Variants in STAM observed in about 807,000 individuals in gnomAD.
The protein encoded by STAM is signal transducing adapter molecule 1.
In STAM, 16 loss-of-function variants were observed where a neutral mutation model predicts 63.4. The ratio of observed to expected loss-of-function variants is 0.25; its 90% CI spans 0.17 to 0.38. The LOEUF (loss-of-function observed/expected upper bound fraction) is 0.38. Among genes scored for constraint, STAM ranks in the 10% least tolerant of loss-of-function variants. STAM has a pLI of 1.00. For missense variants in STAM, 636 were observed against 657.1 expected (o/e 0.97, Z 0.35); for synonymous variants, 238 against 223.9 (o/e 1.06, Z -0.56).
chr10:17,668,363 C>T (rs1367066308), intron 2 of STAM, among the ~76,000 whole-genome samples: 1 of 152,186 alleles, frequency 6.6e-6, no homozygotes, highest in African/African-American at 2.4e-5. Flanking sequence ...TCAACTCCGA[C>T]ACAATTTCCC....
chr10:17,686,378 CTT>C (rs782424712), intron 4 of STAM, among the ~76,000 whole-genome samples: 10 of 137,960 alleles, frequency 7.2e-5, no homozygotes, highest in Admixed American at 1.5e-4. Flanking sequence ...AACATCCCGC[CTT>C]TTTTTTTTTT....
At chr10:17,655,018 A>G (rs1470709419) in intron 1 of STAM, among the ~76,000 whole-genome samples, 2 of 152,212 alleles carry the variant, frequency 1.3e-5, no homozygotes, top group Non-Finnish European at 2.9e-5. Flanking sequence ...TTAGAAACAG[A>G]TTAATTCATT....
chr10:17,709,339 A>G (rs1836450658), intron 13 of STAM, among the ~76,000 whole-genome samples: 1 of 152,222 alleles, frequency 6.6e-6, no homozygotes, highest in Non-Finnish European at 1.5e-5. Context: ...TTTAAAATAT[A>G]TAGTTCTGAG....
At position 17,672,515 on chromosome 10, in the gene STAM, T is replaced by G. The variant is rs182006310; in HGVS notation, c.125+11967T>G. Reference sequence around the variant, plus strand: ...ATTTAGTGAGCTTGTATGTGCTGTCTCACAATTACAATTCCCACTTTTCTC... The same window carrying G: ...ATTTAGTGAGCTTGTATGTGCTGTCGCACAATTACAATTCCCACTTTTCTC... On this transcript the variant is annotated intron_variant, in intron 2 of 13. Coordinates refer to ENST00000377524, the MANE Select transcript of STAM (RefSeq NM_003473.4). 3.0e-3 allele frequency among the ~76,000 whole-genome samples: 461 copies of G among 152,336 alleles called. 1 individual carries two copies. The highest frequency in any genetic ancestry group is 0.01 in the African/African-American group (425 of 41,596).
chr10:17,646,264 G>T (rs1480464148), intron 1 of STAM, among the ~76,000 whole-genome samples: 1 of 152,034 alleles, frequency 6.6e-6, no homozygotes, highest in African/African-American at 2.4e-5. Context: ...GTGCAATGTA[G>T]GGTGTTCAGC....
At chr10:17,700,389 AT>A in intron 9 of STAM, 110 bp downstream of exon 9, 6 of 807,564 alleles carry the variant, frequency 7.4e-6, no homozygotes, top group Non-Finnish European at 1.1e-5. Context: ...AAATTTTTGT[AT>A]TTTTTTATAA....
chr10:17,693,977 T>C (rs1370640909), intron 6 of STAM, among the ~76,000 whole-genome samples: 5 of 152,316 alleles, frequency 3.3e-5, no homozygotes, highest in Non-Finnish European at 4.4e-5. Context: ...TTAACTTTCA[T>C]GAATCTGGTA....
At chr10:17,647,448 A>G (rs995136190) in intron 1 of STAM, among the ~76,000 whole-genome samples, 2 of 151,530 alleles carry the variant, frequency 1.3e-5, no homozygotes, top group Middle Eastern at 3.4e-3. Flanking sequence ...CCTTTTTGCA[A>G]CTTCTAAAAG....
rs782163179 is a variant in STAM at position 17,693,240 on chromosome 10, G to C, written c.463G>C (p.Ala155Pro). Residue 155 changes from alanine (A) to proline (P), a missense_variant, in exon 6 of 14, where the codon GCA becomes CCA. Coordinates refer to ENST00000377524, the MANE Select transcript of STAM (RefSeq NM_003473.4). ...TTGTTAGGCTGCAGAACAAGCAAAA[G>C]CAAGCCCAGCTCTTGTAGCCAAGGA... ...IGSQAAEQAK[A>P]SPALVAKDPG... The C allele has an allele frequency of 1.2e-6, 2 of 1,613,550 alleles. No individual in the cohort carries two copies. The highest frequency in any genetic ancestry group is 2.2e-5 in the South Asian group (2 of 90,978).
intron 6 of STAM, among the ~76,000 whole-genome samples, chr10:17,693,537 A>T (rs782744402): frequency 1.8e-4 from 27 of 152,332 alleles, no homozygotes; most frequent in Non-Finnish European, 3.5e-4. Context: ...TCCAAAAACA[A>T]TATCAAGTGC....
rs140058206 is a variant in STAM at position 17,660,544 on chromosome 10, A to G, written c.121A>G (p.Thr41Ala). 6.3e-7 allele frequency: 1 copy of G among 1,597,564 alleles called. No individual in the cohort carries two copies. Among genetic ancestry groups the G allele is most frequent in the Non-Finnish European group, 8.5e-7 (1 of 1,171,532 alleles). The change falls in exon 2 of 14, where the codon ACT becomes GCT. Residue 41 changes from threonine to alanine, a missense_variant. Transcript: ENST00000377524. ...CTGTGATAAAGTTGGTCAGTCTCGC[A>G]CTGGGTAAGTATTTAGCGTTTCAAA... ...DICDKVGQSR[T>A]GPKDCLRSIM...
intron 12 of STAM, 40 bp from the exon 13 acceptor site, chr10:17,708,736 A>G (rs1554829653): frequency 6.5e-7 from 1 of 1,540,632 alleles, no homozygotes; most frequent in Admixed American, 1.8e-5. Flanking sequence ...TGCTTATTAA[A>G]ATTTTAGAAT....
chr10:17,680,598 G>T (rs180778538), intron 2 of STAM, among the ~76,000 whole-genome samples: 12 of 151,942 alleles, frequency 7.9e-5, no homozygotes, highest in African/African-American at 2.9e-4. Context: ...GTAGAGACAG[G>T]GTCCCACTAT....
At position 17,653,324 on chromosome 10, in the gene STAM, T is replaced by A. The variant is rs185139580; in HGVS notation, c.41-7140T>A. Among the ~76,000 whole-genome samples the A allele has an allele frequency of 2.8e-3, 422 of 152,378 alleles. 3 individuals are homozygous for A. Among genetic ancestry groups the A allele is most frequent in the Middle Eastern group, 0.017 (5 of 294 alleles). On this transcript the variant is annotated intron_variant, in intron 1 of 13. Transcript: ENST00000377524. ...AAACAAGCTATTTGTGAAAATGCTT[T>A]GTGATGTGTGGATTCATCTCACAGA...
rs1322947670 is a variant in STAM, at chr10:17,714,711, G to C, written c.1554G>C (p.Leu518=). ...ACTATAACTTAACATCATCAACTCTGCCTCAGCCCGGAGGCAGCCAACAGC... is the reference window on the plus strand; with the variant it reads ...ACTATAACTTAACATCATCAACTCTCCCTCAGCCCGGAGGCAGCCAACAGC... ...VPNYNLTSST[L]PQPGGSQQPP... Residue 518 remains leucine, a synonymous_variant, in exon 14 of 14, where the codon CTG becomes CTC. Coordinates refer to ENST00000377524, the MANE Select transcript of STAM (RefSeq NM_003473.4). 1.2e-6 allele frequency: 2 copies of C among 1,613,876 alleles called. No individual in the cohort carries two copies. Among genetic ancestry groups the C allele is most frequent in the East Asian group, 4.5e-5 (2 of 44,884 alleles).
chr10:17,666,479 C>G (rs4747320), intron 2 of STAM, among the ~76,000 whole-genome samples: 16,347 of 147,026 alleles, frequency 0.11, 971 homozygotes, highest in Middle Eastern at 0.17. Flanking sequence ...ACTGCAAGCT[C>G]CGCCTGCCGG....
intron 1 of STAM, among the ~76,000 whole-genome samples, chr10:17,659,984 T>C (rs1358695588): frequency 3.3e-5 from 5 of 152,128 alleles, no homozygotes; most frequent in African/African-American, 9.7e-5. Context: ...AAATACGTTT[T>C]TATTTAAGGA....
In STAM at chr10:17,666,677, A is replaced by G. The variant is rs187417532; in HGVS notation, c.125+6129A>G. 5.0e-3 allele frequency among the ~76,000 whole-genome samples: 759 copies of G among 152,214 alleles called. 7 individuals carry two copies. The highest frequency in any genetic ancestry group is 0.012 in the South Asian group (57 of 4,818). On this transcript the variant is annotated intron_variant, in intron 2 of 13. Coordinates refer to ENST00000377524, the MANE Select transcript of STAM (RefSeq NM_003473.4). ...CTCCCAAAGCGCTGGGATTACAGGC[A>G]TGAGCCACCCTGCCTGGCCTTTGGC...
chr10:17,658,950 G>A (rs1163872092), intron 1 of STAM, among the ~76,000 whole-genome samples: 1 of 152,102 alleles, frequency 6.6e-6, no homozygotes, highest in Non-Finnish European at 1.5e-5. Flanking sequence ...TAATATACTT[G>A]TGTTAATAGC....
Sources: gnomAD v4.1 joint callset for allele counts (sites outside exome capture counted in the v4.1 genomes callset) on GRCh38, gnomAD v4.1.1 for gene constraint, MANE v1.5 for transcripts, NCBI Gene and HGNC (gene_info 2026-07-23, HGNC 2026-07-21) for gene names.